Variants in ANP32A observed in about 807,000 individuals in gnomAD.
The protein encoded by ANP32A is acidic nuclear phosphoprotein 32 family member A, also known as acidic leucine-rich nuclear phosphoprotein 32 family member A.
A neutral mutation model predicts 33.9 loss-of-function variants in ANP32A; 1 was observed. That is an observed-to-expected ratio of 0.03 (90% CI 0.01 to 0.14). The LOEUF (loss-of-function observed/expected upper bound fraction) is 0.14. Among genes scored for constraint, ANP32A ranks in the 10% least tolerant of loss-of-function variants. The probability of loss-of-function intolerance (pLI) is 1.00; values close to 1 mark genes in which losing one functional copy is unlikely to be tolerated. For synonymous variants in ANP32A, 115 were observed against 120.5 expected, an observed-to-expected ratio of 0.95 and a Z score of 0.30; for missense variants, 155 against 306.0, an observed-to-expected ratio of 0.51 and a Z score of 3.68.
intron 1 of ANP32A, among the ~76,000 whole-genome samples, chr15:68,820,166 C>G (rs1278022698): frequency 6.6e-6 from 1 of 152,076 alleles, no homozygotes; most frequent in Non-Finnish European, 1.5e-5. Flanking sequence ...CTCGCGAAGC[C>G]CCAAACTTAT....
At chr15:68,802,728 G>C (rs556601739) in intron 1 of ANP32A, among the ~76,000 whole-genome samples, 1 of 152,260 alleles carries the variant, frequency 6.6e-6, no homozygotes, top group African/African-American at 2.4e-5. Flanking sequence ...TCTCGGCTCA[G>C]CGCAACTTCC....
chr15:68,795,764 T>C (rs1262642612), intron 1 of ANP32A, among the ~76,000 whole-genome samples: 2 of 152,150 alleles, frequency 1.3e-5, no homozygotes, highest in East Asian at 1.9e-4. Context: ...CTCCCTGATA[T>C]TGTTCCTTTG....
At chr15:68,800,754 A>AAAAAAAAAAAG in intron 1 of ANP32A, among the ~76,000 whole-genome samples, 1 of 149,454 alleles carries the variant, frequency 6.7e-6, no homozygotes, top group African/African-American at 2.4e-5. Context: ...AAAAAAAAAA[A>AAAAAAAAAAAG]AAAGAAAGAA....
chr15:68,813,133 G>C (rs796475106), intron 1 of ANP32A: 9 of 152,336 alleles, frequency 5.9e-5, no homozygotes, highest in African/African-American at 2.2e-4. Flanking sequence ...AGCAAGTTTT[G>C]GTAAAGGAAA....
chr15:68,793,711 C>A (rs1014171841), intron 1 of ANP32A, among the ~76,000 whole-genome samples: 5 of 152,160 alleles, frequency 3.3e-5, no homozygotes, highest in African/African-American at 1.2e-4. Flanking sequence ...AGGAGATACA[C>A]TATATCAAAA....
In ANP32A at chr15:68,780,137, C is replaced by T; in HGVS notation, c.694G>A (p.Glu232Lys). The T allele has an allele frequency of 6.2e-7, 1 of 1,613,702 alleles. No homozygotes were observed. The highest frequency in any genetic ancestry group is 1.1e-5 in the South Asian group (1 of 91,068). The change falls in exon 7 of 7, where the codon GAA becomes AAA. Residue 232 changes from glutamate (E) to lysine (K), a missense_variant. Glu to Lys is a moderately conservative substitution (Grantham distance 56, BLOSUM62 1). This residue lies in a region of ANP32A where 63 missense variants were observed against 82.8 expected (regional missense o/e 0.76). Transcript: ENST00000465139. This position sits in a 1 kb window ranked among gnomAD's most constrained non-coding sequence, Gnocchi z 4.3. ...EEDEEELGEE[E>K]RGQKRKREPE... is the part of the protein sequence containing the mutation. ...TCTCGTTTTCGCTTCTGACCCCTTT[C>T]TTCTTCTGGAAAAGTAAGAAAGCGG... is the stretch of plus-strand genomic sequence containing the variant.
chr15:68,798,498 C>T (rs1220541197), intron 1 of ANP32A, among the ~76,000 whole-genome samples: 28 of 152,158 alleles, frequency 1.8e-4, no homozygotes, highest in Non-Finnish European at 4.4e-5. Flanking sequence ...ATCCAACTTC[C>T]CTAGCAATTG....
At chr15:68,812,602 C>A (rs1894328016) in intron 1 of ANP32A, among the ~76,000 whole-genome samples, 1 of 152,108 alleles carries the variant, frequency 6.6e-6, no homozygotes, top group South Asian at 2.1e-4. Flanking sequence ...TCCTCTCATT[C>A]CCCCAAACAA....
chr15:68,801,720 A>G (rs1392049258), intron 1 of ANP32A: 1 of 154,294 alleles, frequency 6.5e-6, no homozygotes, highest in East Asian at 1.9e-4. Context: ...ATGTTCTGCC[A>G]TTTTTTTCCT....
intron 1 of ANP32A, among the ~76,000 whole-genome samples, chr15:68,799,810 T>C (rs1247680580): frequency 2.6e-5 from 4 of 152,162 alleles, no homozygotes; most frequent in East Asian, 3.9e-4. Context: ...AGAAGAACAA[T>C]TGAAGGAACT....
At chr15:68,815,074 C>T (rs1306229582) in intron 1 of ANP32A, among the ~76,000 whole-genome samples, 1 of 152,214 alleles carries the variant, frequency 6.6e-6, no homozygotes, top group Non-Finnish European at 1.5e-5. Flanking sequence ...ATTTCTCTTC[C>T]TATGGAGGTT....
At chr15:68,791,630 G>A (rs571606903) in intron 1 of ANP32A, 2 of 152,812 alleles carry the variant, frequency 1.3e-5, no homozygotes, top group East Asian at 3.9e-4. Context: ...AATAGCAAGA[G>A]GTTGCTTCCA....
At chr15:68,794,616 G>A (rs974717790) in intron 1 of ANP32A, among the ~76,000 whole-genome samples, 1 of 152,190 alleles carries the variant, frequency 6.6e-6, no homozygotes, top group Non-Finnish European at 1.5e-5. Context: ...TCAGCTAGAA[G>A]GCCAAACTGT....
At position 68,779,282 on chromosome 15, in the gene ANP32A, A is replaced by G. The variant is rs1035593859; in HGVS notation, c.*799T>C. ...GAAGAATTCTCTCATCATTTTTTGT[A>G]AAACAAAGCGTTCTAATATTTTACA... On this transcript the variant is annotated 3_prime_UTR_variant, in exon 7 of 7. Transcript: ENST00000465139. 3.9e-5 allele frequency: 6 copies of G among 152,140 alleles called. No homozygotes were observed. The highest frequency in any genetic ancestry group is 1.4e-4 in the African/African-American group (6 of 41,436). 9.4% of individuals were successfully genotyped at this position (152,140 alleles called of 1,614,324 possible).
chr15:68,784,330 A>C, intron 4 of ANP32A, 67 bp downstream of exon 4: 1 of 1,561,084 alleles, frequency 6.4e-7, no homozygotes, highest in Non-Finnish European at 8.7e-7. Context: ...CACCTCTGCA[A>C]AGCCAAGGAC....
chr15:68,810,942 C>A (rs1316138534), intron 1 of ANP32A, among the ~76,000 whole-genome samples: 1 of 151,864 alleles, frequency 6.6e-6, no homozygotes, highest in African/African-American at 2.4e-5. Flanking sequence ...CACCTGTAAT[C>A]CCAGCTACTC....
chr15:68,779,908 C>A lies in ANP32A; in HGVS notation c.*173G>T. 2.0e-6 allele frequency: 1 copy of A among 494,932 alleles called. No individual in the cohort carries two copies. Among genetic ancestry groups the A allele is most frequent in the Non-Finnish European group, 3.6e-6 (1 of 277,418 alleles). 30.7% of individuals were successfully genotyped at this position (494,932 alleles called of 1,614,324 possible). A position where few individuals can be genotyped will look rare whatever the true frequency, so the allele number is the denominator to read the frequency against. On this transcript the variant is annotated 3_prime_UTR_variant, in exon 7 of 7. Coordinates refer to ENST00000465139, the MANE Select transcript of ANP32A (RefSeq NM_006305.4). ...AATAGTATTTTATTCCACCCCCACC[C>A]GCCATCCCTCCCCCCGCAACCCCCA...
At chr15:68,782,935 T>G (rs1337251529) in intron 5 of ANP32A, 21 bp downstream of exon 5, 1 of 1,551,278 alleles carries the variant, frequency 6.4e-7, no homozygotes, top group Non-Finnish European at 8.7e-7. Flanking sequence ...ACGGTGGCCC[T>G]GCCCAGCCCA....
chr15:68,807,389 C>T (rs1029798327), intron 1 of ANP32A, among the ~76,000 whole-genome samples: 1 of 141,298 alleles, frequency 7.1e-6, no homozygotes, highest in African/African-American at 2.5e-5. Flanking sequence ...ATGCCTGCAG[C>T]TTGGCTGGTA....
Sources: gnomAD v4.1 joint callset for allele counts (sites outside exome capture counted in the v4.1 genomes callset) on GRCh38, gnomAD v4.1.1 for gene constraint, gnomAD v4.1.1 regional missense constraint, Gnocchi (gnomAD v3.1) non-coding constraint, MANE v1.5 for transcripts, NCBI Gene and HGNC (gene_info 2026-07-23, HGNC 2026-07-21) for gene names.